COL4A4: variants seen among roughly 807,000 people sequenced by gnomAD.
The protein encoded by COL4A4 is collagen alpha-4(IV) chain.
A neutral mutation model predicts 192.9 loss-of-function variants in COL4A4; 105 were observed. That is an observed-to-expected ratio of 0.54 (90% confidence interval 0.46 to 0.64). The LOEUF (loss-of-function observed/expected upper bound fraction) is 0.64. Among genes scored for constraint, COL4A4 ranks in the 30% least tolerant of loss-of-function variants. The probability of loss-of-function intolerance (pLI) is 0.00; values close to 1 mark genes in which losing one functional copy is unlikely to be tolerated. For synonymous variants in COL4A4, 762 were observed against 769.9 expected, an observed-to-expected ratio of 0.99 and a Z score of 0.17; for missense variants, 1,967 against 2,169.3, an observed-to-expected ratio of 0.91 and a Z score of 1.85.
At chr2:227,142,472 G>T (rs936977798) in intron 3 of COL4A4, among the ~76,000 whole-genome samples, 4 of 152,170 alleles carry the variant, frequency 2.6e-5, no homozygotes, top group Non-Finnish European at 1.5e-5. Context: ...AAAGTTCAAA[G>T]GCTGGCTGCG....
At chr2:227,139,882 GT>G (rs757495855) in intron 4 of COL4A4, among the ~76,000 whole-genome samples, 11 of 152,122 alleles carry the variant, frequency 7.2e-5, no homozygotes, top group Non-Finnish European at 1.3e-4. Context: ...TGACCCAGTA[GT>G]TACCATTTCA....
chr2:227,098,652 A>T, intron 19 of COL4A4, 42 bp downstream of exon 19: 2 of 1,469,152 alleles, frequency 1.4e-6, no homozygotes, highest in Non-Finnish European at 1.9e-6. Context: ...TGATGCAGGA[A>T]ATCTGACCTG....
chr2:227,102,593 C>T (rs555490598), intron 15 of COL4A4, among the ~76,000 whole-genome samples, 196 bp downstream of exon 15: 1 of 152,278 alleles, frequency 6.6e-6, no homozygotes, highest in East Asian at 1.9e-4. Context: ...CTTTTGCTTG[C>T]CTGTTTTATC....
Position 227,077,776 on chromosome 2 carries a change from C to T in COL4A4, c.1987+118G>A, listed in dbSNP as rs2059111356. 3 of 925,280 alleles carry T rather than the reference C, an allele frequency of 3.2e-6. No homozygotes were observed. The Admixed American group carries it at 6.6e-5, about 20-fold the overall frequency. The allele number at this position is 925,280 out of a possible 1,614,324, so 57.3% of individuals were successfully genotyped here. On this transcript the variant is annotated intron_variant, in intron 25 of 47. Coordinates refer to ENST00000396625, the MANE Select transcript of COL4A4 (RefSeq NM_000092.5). ...TACACGTTAGGTAAAATGTACACTACTCGGGTGACAGGTACACTAAAATCT... is the reference window on the plus strand; with the variant it reads ...TACACGTTAGGTAAAATGTACACTATTCGGGTGACAGGTACACTAAAATCT...
chr2:227,033,817 C>G (rs538313863), intron 37 of COL4A4, among the ~76,000 whole-genome samples: 1 of 152,304 alleles, frequency 6.6e-6, no homozygotes, highest in East Asian at 1.9e-4. Flanking sequence ...TAAAATCACC[C>G]TACATGAGGA....
chr2:227,020,678 G>A (rs553322804), intron 44 of COL4A4, among the ~76,000 whole-genome samples: 120 of 152,160 alleles, frequency 7.9e-4, no homozygotes, highest in African/African-American at 2.9e-3. Context: ...GTGAGGGGGG[G>A]TGAAAGGAGA....
chr2:226,998,849 C>T (rs1960199222), downstream of COL4A4: 1 of 152,188 alleles, frequency 6.6e-6, no homozygotes, highest in Admixed American at 6.5e-5. Context: ...GACCTCAGCC[C>T]CATTTATCCA....
At chr2:227,146,418 G>T (rs552233777) in intron 2 of COL4A4, among the ~76,000 whole-genome samples, 1 of 151,022 alleles carries the variant, frequency 6.6e-6, no homozygotes, top group African/African-American at 2.4e-5. Flanking sequence ...GTAATTTCTT[G>T]TTCATTATCC....
chr2:227,153,001 A>C (rs1276147111), intron 1 of COL4A4, among the ~76,000 whole-genome samples: 2 of 152,188 alleles, frequency 1.3e-5, no homozygotes, highest in Non-Finnish European at 2.9e-5. Context: ...ATGGCTAGGG[A>C]GGCCTCACAA....
chr2:226,981,272 G>A, the COL4A4 span, among the ~76,000 whole-genome samples: 27 of 152,232 alleles, frequency 1.8e-4, no homozygotes, highest in Admixed American at 2.6e-4. Flanking sequence ...TGTAAATGCC[G>A]AGTTGATGGG....
the COL4A4 span, among the ~76,000 whole-genome samples, chr2:226,974,297 G>C: frequency 6.6e-6 from 1 of 152,022 alleles, no homozygotes; most frequent in Non-Finnish European, 1.5e-5. Flanking sequence ...GAGTGCAGTG[G>C]TGTGATCTCG....
chr2:227,073,772 G>A (rs1218885565), intron 25 of COL4A4, among the ~76,000 whole-genome samples: 1 of 151,856 alleles, frequency 6.6e-6, no homozygotes, highest in Admixed American at 6.6e-5. Flanking sequence ...CTTTAACAAA[G>A]CATACAAAAA....
chr2:226,998,413 G>A (rs1444194446), downstream of COL4A4: 2 of 152,190 alleles, frequency 1.3e-5, no homozygotes, highest in Admixed American at 6.5e-5. Context: ...GCAAGGCAGG[G>A]CGAGAATGGG....
Position 227,033,492 on chromosome 2 carries a change from C to G in COL4A4, c.3506-11G>C. The G allele has an allele frequency of 1.9e-6, 3 of 1,611,674 alleles. No homozygotes were observed. Among genetic ancestry groups the G allele is most frequent in the Non-Finnish European group, 2.5e-6 (3 of 1,179,356 alleles). ...GTGATCCGGAGGGACCTGAAAAACACCACAGGCCTGTGACCCAAAGGAAGA... is the reference window on the plus strand; with the variant it reads ...GTGATCCGGAGGGACCTGAAAAACAGCACAGGCCTGTGACCCAAAGGAAGA... On this transcript the variant is annotated splice_polypyrimidine_tract_variant and intron_variant, in intron 37 of 47. Transcript: ENST00000396625.
rs1965462897 is a variant in COL4A4 at position 227,018,949 on chromosome 2, T to G, written c.4216+3099A>C. Among the ~76,000 whole-genome samples, 3 of 152,360 alleles carry G rather than the reference T, an allele frequency of 2.0e-5. No individual in the cohort carries two copies. The South Asian group carries it at 6.2e-4, about 32-fold the overall frequency. ...TTCTTGTTCATGTCAAAGATAACTA[T>G]CATGTTCAAGTGTAAAGAATTGACC... On this transcript the variant is annotated intron_variant, in intron 44 of 47. Transcript: ENST00000396625.
intron 25 of COL4A4, among the ~76,000 whole-genome samples, chr2:227,073,937 T>G (rs763579095): frequency 6.6e-6 from 1 of 152,036 alleles, no homozygotes; most frequent in Non-Finnish European, 1.5e-5. Flanking sequence ...GACCTGAAAC[T>G]ATCAAAATTC....
In COL4A4 at chr2:227,108,471, T is replaced by TG. The variant is rs2060987026; in HGVS notation, c.735+109dup. On this transcript the variant is annotated intron_variant, in intron 12 of 47. Transcript: ENST00000396625. ...AAAGAAAAGTTCTCAGCCATAAAATTGGGCAGTGACTAGATAATGAGTACA... is the reference window on the plus strand; with the variant it reads ...AAAGAAAAGTTCTCAGCCATAAAATTGGGGCAGTGACTAGATAATGAGTACA... The TG allele has an allele frequency of 6.8e-6, 7 of 1,025,080 alleles. No homozygotes were observed. The South Asian group carries it at 9.2e-5, about 14-fold the overall frequency. The allele number at this position is 1,025,080 out of a possible 1,614,324, so 63.5% of individuals were successfully genotyped here. A position where few individuals can be genotyped will look rare whatever the true frequency, so the allele number is the denominator to read the frequency against.
At chr2:227,030,964 GGATA>G (rs1288901015) in intron 40 of COL4A4, among the ~76,000 whole-genome samples, 1 of 147,984 alleles carries the variant, frequency 6.8e-6, no homozygotes, top group Admixed American at 6.7e-5. Context: ...ATGGATGGAT[GGATA>G]GGTGGATAGA....
Position 227,145,399 on chromosome 2 carries a change from A to T in COL4A4, c.72-841T>A, listed in dbSNP as rs572824585. Among the ~76,000 whole-genome samples, 18 of 152,332 alleles carry T rather than the reference A, an allele frequency of 1.2e-4. No homozygotes were observed. In the South Asian group the frequency reaches 3.7e-3, roughly 32 times the overall value. ...AAGGCAGAGATTGCAGTGAGCCGAG[A>T]TCGTGCCACTGCGCTCCAGCCTGGG... is the stretch of plus-strand genomic sequence containing the variant. On this transcript the variant is annotated intron_variant, in intron 2 of 47. Transcript: ENST00000396625.
Sources: gnomAD v4.1 joint callset for allele counts (sites outside exome capture counted in the v4.1 genomes callset) on GRCh38, gnomAD v4.1.1 for gene constraint, MANE v1.5 for transcripts, NCBI Gene and HGNC (gene_info 2026-07-23, HGNC 2026-07-21) for gene names.